FAM120A: variants seen among roughly 807,000 people sequenced by gnomAD.
The protein encoded by FAM120A is family with sequence similarity 120 member A.
In FAM120A, 15 loss-of-function variants were observed where a neutral mutation model predicts 109.7. The observed-to-expected ratio is 0.14, with a 90% CI of 0.09 to 0.21. The LOEUF (loss-of-function observed/expected upper bound fraction) is 0.21. Among genes scored for constraint, FAM120A ranks in the 10% least tolerant of loss-of-function variants. The pLI, the probability that FAM120A is intolerant of heterozygous loss-of-function variation, is 1.00. For missense variants in FAM120A, 899 were observed against 1,439.3 expected (o/e 0.62, Z 6.07); for synonymous variants, 493 against 572.8 (o/e 0.86, Z 1.99).
chr9:93,556,863 A>G (rs1401034410), intron 13 of FAM120A, among the ~76,000 whole-genome samples: 1 of 152,212 alleles, frequency 6.6e-6, no homozygotes, highest in Non-Finnish European at 1.5e-5. Flanking sequence ...CCTAGGGGCA[A>G]TACAAGGTGC....
intron 5 of FAM120A, among the ~76,000 whole-genome samples, chr9:93,513,627 G>C (rs1860437592): frequency 1.3e-5 from 2 of 152,202 alleles, no homozygotes; most frequent in Non-Finnish European, 2.9e-5. Flanking sequence ...CAGGATCGAA[G>C]GGCTATGGTG....
chr9:93,461,922 G>A lies in FAM120A; in HGVS notation c.475-9219G>A, dbSNP rs75861740. Among the ~76,000 whole-genome samples the A allele has an allele frequency of 2.7e-3, 417 of 152,314 alleles. 3 individuals carry two copies. Among genetic ancestry groups the A allele is most frequent in the African/African-American group, 9.7e-3 (405 of 41,570 alleles). ...ATCCAAAACACTTCTTGTCTTAAGTGTTTCAGTAAAGGACACCTAACCTGT... is the reference window on the plus strand; with the variant it reads ...ATCCAAAACACTTCTTGTCTTAAGTATTTCAGTAAAGGACACCTAACCTGT... On this transcript the variant is annotated intron_variant, in intron 1 of 17. Coordinates refer to ENST00000277165, the MANE Select transcript of FAM120A (RefSeq NM_014612.5).
intron 17 of FAM120A, 76 bp downstream of exon 17, chr9:93,562,380 A>G: frequency 1.4e-5 from 15 of 1,091,162 alleles, no homozygotes; most frequent in Non-Finnish European, 2.1e-5. Flanking sequence ...CACTTCTAGT[A>G]CCTGCGCTCA....
At chr9:93,508,780 T>A (rs1860178743) in intron 5 of FAM120A, among the ~76,000 whole-genome samples, 1 of 152,184 alleles carries the variant, frequency 6.6e-6, no homozygotes, top group Non-Finnish European at 1.5e-5. Context: ...TAAACAGCCC[T>A]ACTTCATATG....
At position 93,452,595 on chromosome 9, in the gene FAM120A, T is replaced by C; in HGVS notation, c.474+206T>C. On this transcript the variant is annotated intron_variant, in intron 1 of 17. Transcript: ENST00000277165. The surrounding 1 kb of genome is among the most constrained non-coding windows in gnomAD (Gnocchi z 7.0). ...CGCGCTGCCCAAGCCCGTCTCCAGC[T>C]GTCCCTGTTCGGGGTCCGCGGCCGC... 1 of 1,598,626 alleles carries C rather than the reference T, an allele frequency of 6.3e-7. No homozygotes were observed. Among genetic ancestry groups the C allele is most frequent in the East Asian group, 2.2e-5 (1 of 44,848 alleles).
At chr9:93,560,662 ACT>A (rs1862436520) in intron 15 of FAM120A, among the ~76,000 whole-genome samples, 1 of 152,212 alleles carries the variant, frequency 6.6e-6, no homozygotes, top group Non-Finnish European at 1.5e-5. Context: ...TCTATTTGTG[ACT>A]CTGCTTATGG....
At chr9:93,553,157 T>G (rs150422658) in intron 12 of FAM120A, among the ~76,000 whole-genome samples, 112 of 152,354 alleles carry the variant, frequency 7.4e-4, no homozygotes, top group African/African-American at 2.6e-3. Flanking sequence ...TTATATTTTT[T>G]AAGCCCTTCT....
At chr9:93,537,539 G>A (rs1861558497) in intron 10 of FAM120A, among the ~76,000 whole-genome samples, 1 of 152,028 alleles carries the variant, frequency 6.6e-6, no homozygotes. Flanking sequence ...GAAGCAGACA[G>A]ATAAAAATTA....
intron 10 of FAM120A, among the ~76,000 whole-genome samples, chr9:93,533,995 C>T (rs1027845896): frequency 6.6e-6 from 1 of 152,296 alleles, no homozygotes; most frequent in Non-Finnish European, 1.5e-5. Flanking sequence ...ATGTGACAGT[C>T]CCCTACCCCT....
intron 3 of FAM120A, among the ~76,000 whole-genome samples, chr9:93,477,783 G>T (rs1311981191): frequency 2.6e-5 from 4 of 152,208 alleles, no homozygotes; most frequent in Non-Finnish European, 4.4e-5. Context: ...ATGTCACAGG[G>T]TTAGAAGTGA....
chr9:93,509,490 C>T (rs751986942), intron 5 of FAM120A, among the ~76,000 whole-genome samples: 6 of 152,222 alleles, frequency 3.9e-5, no homozygotes, highest in Non-Finnish European at 5.9e-5. Context: ...CATGTCTCTG[C>T]TGTCGTTGTC....
chr9:93,459,765 A>C (rs1490986434), intron 1 of FAM120A, among the ~76,000 whole-genome samples: 1 of 152,182 alleles, frequency 6.6e-6, no homozygotes, highest in Non-Finnish European at 1.5e-5. Flanking sequence ...GAGGATGTTA[A>C]CTGAAGGCAT....
At chr9:93,541,649 GA>G (rs1290645486) in intron 10 of FAM120A, among the ~76,000 whole-genome samples, 1 of 152,140 alleles carries the variant, frequency 6.6e-6, no homozygotes, top group Admixed American at 6.5e-5. Flanking sequence ...AAATGTAAAT[GA>G]AAGACATTTG....
chr9:93,487,378 T>C (rs1414949011), intron 3 of FAM120A, among the ~76,000 whole-genome samples: 1 of 152,024 alleles, frequency 6.6e-6, no homozygotes, highest in Non-Finnish European at 1.5e-5. Flanking sequence ...GCCAGGCTGG[T>C]CTTGAACTCC....
intron 12 of FAM120A, among the ~76,000 whole-genome samples, chr9:93,553,404 C>T (rs576213897): frequency 6.6e-6 from 1 of 152,270 alleles, no homozygotes; most frequent in African/African-American, 2.4e-5. Context: ...TAGGGGCATG[C>T]AACATGTCTG....
Position 93,544,906 on chromosome 9 carries a change from C to A in FAM120A, c.2159+1435C>A, listed in dbSNP as rs115853227. ...TGGTGCTGCTCTCACCTTTTGTAAC[C>A]GTCTCACATGGAAGTGCTTAGAGGC... On this transcript the variant is annotated intron_variant, in intron 11 of 17. Transcript: ENST00000277165. Among the ~76,000 whole-genome samples the A allele has an allele frequency of 6.6e-3, 1,002 of 152,216 alleles. 14 individuals are homozygous for A. Among genetic ancestry groups the A allele is most frequent in the African/African-American group, 0.023 (968 of 41,516 alleles).
At chr9:93,505,747 T>C (rs935391191) in intron 5 of FAM120A, among the ~76,000 whole-genome samples, 1 of 152,208 alleles carries the variant, frequency 6.6e-6, no homozygotes, top group African/African-American at 2.4e-5. Context: ...TTTTTTCTTG[T>C]GTTTGTTTAA....
intron 5 of FAM120A, among the ~76,000 whole-genome samples, chr9:93,509,718 A>G (rs1286550109): frequency 6.6e-6 from 1 of 152,244 alleles, no homozygotes; most frequent in South Asian, 2.1e-4. Context: ...TGTTGTGATG[A>G]AAAACTGTTA....
At chr9:93,462,855 C>T (rs1015002552) in intron 1 of FAM120A, among the ~76,000 whole-genome samples, 3 of 152,276 alleles carry the variant, frequency 2.0e-5, no homozygotes, top group Admixed American at 6.5e-5. Flanking sequence ...CATGTTGTAA[C>T]GTGTCAGAAT....
Sources: allele counts gnomAD v4.1 joint callset (sites outside exome capture counted in the v4.1 genomes callset), GRCh38; gene constraint gnomAD v4.1.1; non-coding constraint Gnocchi (gnomAD v3.1); transcripts MANE v1.5; gene names NCBI Gene and HGNC (gene_info 2026-07-23, HGNC 2026-07-21).